Variants in ARHGAP15 observed in about 807,000 individuals in gnomAD.
ARHGAP15 encodes rho GTPase-activating protein 15.
ARHGAP15 carries 51 observed loss-of-function variants against 63.7 expected under a neutral mutation model. The ratio of observed to expected loss-of-function variants is 0.80; its 90% CI spans 0.64 to 1.01. The LOEUF is 1.01. Among genes scored for constraint, ARHGAP15 ranks in the 50% least tolerant of loss-of-function variants. ARHGAP15 has a pLI of 0.00. For missense variants in ARHGAP15, 560 were observed against 564.6 expected (o/e 0.99, Z 0.08); for synonymous variants, 191 against 193.8 (o/e 0.99, Z 0.12).
At chr2:143,486,912 A>G (rs76436573) in intron 8 of ARHGAP15, among the ~76,000 whole-genome samples, 2,671 of 152,298 alleles carry the variant, frequency 0.018, 38 homozygotes, top group African/African-American at 0.041. Context: ...TCAGGTTAAT[A>G]TAGAAAAGAA....
chr2:143,131,322 A>G (rs1400181859), intron 1 of ARHGAP15, among the ~76,000 whole-genome samples: 1 of 152,202 alleles, frequency 6.6e-6, no homozygotes, highest in Admixed American at 6.5e-5. Context: ...CTATTACTTT[A>G]TATGTTTTAA....
chr2:143,709,004 T>G (rs1228930907), intron 13 of ARHGAP15, among the ~76,000 whole-genome samples: 1 of 152,192 alleles, frequency 6.6e-6, no homozygotes, highest in Non-Finnish European at 1.5e-5. Flanking sequence ...TGGAATCTTA[T>G]CAACTACTTA....
At chr2:143,402,092 G>A (rs1688010922) in intron 6 of ARHGAP15, among the ~76,000 whole-genome samples, 1 of 151,778 alleles carries the variant, frequency 6.6e-6, no homozygotes, top group Non-Finnish European at 1.5e-5. Flanking sequence ...CAAGTGCCAT[G>A]GCATTAACAA....
chr2:143,644,899 C>T (rs558143763), intron 12 of ARHGAP15, among the ~76,000 whole-genome samples: 75 of 152,020 alleles, frequency 4.9e-4, no homozygotes, highest in Non-Finnish European at 9.0e-4. Flanking sequence ...TCAATAACAA[C>T]TCAGACCCCT....
chr2:143,427,947 G>T (rs541254280), intron 6 of ARHGAP15, among the ~76,000 whole-genome samples: 122 of 152,156 alleles, frequency 8.0e-4, no homozygotes, highest in Non-Finnish European at 1.5e-3. Flanking sequence ...AGTAGATAAG[G>T]TTTGTCTATT....
At chr2:143,364,151 A>C (rs1466156193) in intron 6 of ARHGAP15, among the ~76,000 whole-genome samples, 1 of 152,110 alleles carries the variant, frequency 6.6e-6, no homozygotes, top group Non-Finnish European at 1.5e-5. Context: ...TCCCCATCGC[A>C]ATAAGCCAAA....
At chr2:143,690,742 AAGG>A (rs1454559024) in intron 12 of ARHGAP15, among the ~76,000 whole-genome samples, 1 of 152,172 alleles carries the variant, frequency 6.6e-6, no homozygotes, top group Non-Finnish European at 1.5e-5. Flanking sequence ...ACTTGCTGGT[AAGG>A]AGGTGTGCGA....
At chr2:143,651,512 C>T (rs536687906) in intron 12 of ARHGAP15, among the ~76,000 whole-genome samples, 1 of 152,060 alleles carries the variant, frequency 6.6e-6, no homozygotes, top group African/African-American at 2.4e-5. Flanking sequence ...GGGCTTATTA[C>T]AAATAAAGCT....
At chr2:143,429,342 A>G (rs1689284108) in intron 6 of ARHGAP15, among the ~76,000 whole-genome samples, 1 of 151,498 alleles carries the variant, frequency 6.6e-6, no homozygotes, top group Non-Finnish European at 1.5e-5. Context: ...CAATTTTATT[A>G]TGCAGAACAA....
At chr2:143,234,479 C>T (rs1693564017) in intron 5 of ARHGAP15, among the ~76,000 whole-genome samples, 1 of 152,098 alleles carries the variant, frequency 6.6e-6, no homozygotes. Flanking sequence ...AGATTTTTCT[C>T]AGGAGGTTTG....
chr2:143,146,977 AT>A (rs746310704), intron 1 of ARHGAP15, among the ~76,000 whole-genome samples: 1 of 152,046 alleles, frequency 6.6e-6, no homozygotes, highest in Non-Finnish European at 1.5e-5. Flanking sequence ...ACTTCCACAT[AT>A]TTGAACCCTG....
chr2:143,191,570 T>A (rs764510420), intron 2 of ARHGAP15, among the ~76,000 whole-genome samples: 2 of 152,228 alleles, frequency 1.3e-5, no homozygotes, highest in Non-Finnish European at 2.9e-5. Flanking sequence ...GGACATCTGC[T>A]TTTCTTCATT....
intron 12 of ARHGAP15, among the ~76,000 whole-genome samples, chr2:143,664,047 C>G (rs1228681015): frequency 2.0e-5 from 3 of 151,264 alleles, no homozygotes; most frequent in African/African-American, 4.8e-5. Flanking sequence ...GAACTCAGCT[C>G]TGCACCAAGC....
chr2:143,421,880 A>G (rs1029702804), intron 6 of ARHGAP15, among the ~76,000 whole-genome samples: 10 of 151,396 alleles, frequency 6.6e-5, no homozygotes, highest in African/African-American at 2.4e-4. Flanking sequence ...AAAGAGAGAG[A>G]GTGTGAGAGA....
At chr2:143,690,829 C>T (rs1683564948) in intron 12 of ARHGAP15, among the ~76,000 whole-genome samples, 1 of 152,004 alleles carries the variant, frequency 6.6e-6, no homozygotes, top group South Asian at 2.1e-4. Context: ...TGGCAGACAG[C>T]TAAAAACCAT....
At chr2:143,285,289 G>A (rs943862531) in intron 6 of ARHGAP15, among the ~76,000 whole-genome samples, 16 of 151,844 alleles carry the variant, frequency 1.1e-4, no homozygotes, top group Non-Finnish European at 1.8e-4. Flanking sequence ...ATACTGGCAA[G>A]GGTATTTTTA....
intron 12 of ARHGAP15, among the ~76,000 whole-genome samples, chr2:143,692,266 A>C (rs1044567974): frequency 5.9e-5 from 9 of 152,210 alleles, no homozygotes; most frequent in African/African-American, 1.9e-4. Context: ...TGGTTGCATC[A>C]GGAATTTTTT....
intron 12 of ARHGAP15, among the ~76,000 whole-genome samples, chr2:143,662,546 C>A (rs376488341): frequency 1.5e-4 from 21 of 137,530 alleles, no homozygotes; most frequent in Middle Eastern, 3.6e-3. Flanking sequence ...TCACCAGCAA[C>A]GGAACAAAGC....
chr2:143,242,182 G>A (rs1693886804), intron 5 of ARHGAP15, among the ~76,000 whole-genome samples: 1 of 152,226 alleles, frequency 6.6e-6, no homozygotes, highest in South Asian at 2.1e-4. Context: ...AGTAGGAAGT[G>A]GTGGAAGGAG....
Sources: allele counts gnomAD v4.1 joint callset (sites outside exome capture counted in the v4.1 genomes callset), GRCh38; gene constraint gnomAD v4.1.1; transcripts MANE v1.5; gene names NCBI Gene and HGNC (gene_info 2026-07-23, HGNC 2026-07-21).